The following PCDHA6 variants were observed in gnomAD, a reference collection of about 807,000 sequenced individuals.
PCDHA6 encodes the protein protocadherin alpha 6.
A neutral mutation model predicts 60.3 loss-of-function variants in PCDHA6; 55 were observed. That is an observed-to-expected ratio of 0.91 (90% CI 0.73 to 1.14). PCDHA6 has a LOEUF of 1.14. Among genes scored for constraint, PCDHA6 ranks in the 50% most tolerant of loss-of-function variants. The probability of loss-of-function intolerance (pLI) is 0.00; values close to 1 mark genes in which losing one functional copy is unlikely to be tolerated. For synonymous variants in PCDHA6, 652 were observed against 557.9 expected (o/e 1.17, Z -2.38); for missense variants, 1,327 against 1,256.5 (o/e 1.06, Z -0.85).
chr5:140,829,393 G>A lies in PCDHA6; in HGVS notation c.1302G>A (p.Ser434=). The change falls in exon 1 of 4, where the codon TCG becomes TCA. Residue 434 remains serine (S), a synonymous_variant. Coordinates refer to ENST00000529310, the MANE Select transcript of PCDHA6 (RefSeq NM_018909.4). Reference sequence around the variant, plus strand: ...CCGCGCGGGACGGGGGCTCGCCTTCGCTGTGGGCCACCGCCAGCTTGTCTG... The same window carrying A: ...CCGCGCGGGACGGGGGCTCGCCTTCACTGTGGGCCACCGCCAGCTTGTCTG... ...VVTARDGGSP[S]LWATASLSVE... The A allele has an allele frequency of 6.2e-7, 1 of 1,614,050 alleles. No homozygotes were observed. Among genetic ancestry groups the A allele is most frequent in the African/African-American group, 1.3e-5 (1 of 75,024 alleles).
At chr5:140,869,359 G>A in intron 1 of PCDHA6, 1 of 1,614,110 alleles carries the variant, frequency 6.2e-7, no homozygotes, top group Non-Finnish European at 8.5e-7. Context: ...CATTTTGTTT[G>A]TGAATTCTCG....
At chr5:140,834,347 AG>A (rs2150215572) in intron 1 of PCDHA6, 2 of 1,523,758 alleles carry the variant, frequency 1.3e-6, no homozygotes, top group South Asian at 2.6e-5. Flanking sequence ...TTCGAAGGCA[AG>A]TTTTGCTGAC....
chr5:140,875,410 ATACC>A (rs1259407256), intron 1 of PCDHA6: 2 of 1,502,000 alleles, frequency 1.3e-6, no homozygotes, highest in Non-Finnish European at 1.8e-6. Context: ...TGCTCATAAA[ATACC>A]TCAGGCAAGC....
At chr5:140,883,466 A>G (rs782104317) in intron 1 of PCDHA6, 43 of 1,614,010 alleles carry the variant, frequency 2.7e-5, no homozygotes, top group Non-Finnish European at 3.5e-5. Context: ...GCTGGTGTCC[A>G]CCTACAAGAA....
chr5:140,828,585 A>G lies in PCDHA6; in HGVS notation c.494A>G (p.Asn165Ser). Residue 165 changes from asparagine to serine, a missense_variant, in exon 1 of 4, where the codon AAT becomes AGT. Physicochemically the swap from Asn to Ser is conservative, Grantham distance 46. Coordinates refer to ENST00000529310, the MANE Select transcript of PCDHA6 (RefSeq NM_018909.4). ...GCGTCCGATGCAGATGTTGGCTCAAATTCCATCTTAACCTATAAACTCAGT... is the reference window on the plus strand; with the variant it reads ...GCGTCCGATGCAGATGTTGGCTCAAGTTCCATCTTAACCTATAAACTCAGT... ...EGASDADVGSNSILTYKLSSS... is the reference protein window; with the variant it reads ...EGASDADVGSSSILTYKLSSS... 6.2e-7 allele frequency: 1 copy of G among 1,614,250 alleles called. No homozygotes were observed. The highest frequency in any genetic ancestry group is 1.1e-5 in the South Asian group (1 of 91,090).
intron 1 of PCDHA6, chr5:140,841,892 C>G: frequency 6.2e-7 from 1 of 1,613,788 alleles, no homozygotes; most frequent in South Asian, 1.1e-5. Flanking sequence ...TGAGAATAAA[C>G]TGGTTGAGCT....
chr5:141,009,491 C>G, intron 3 of PCDHA6, 136 bp from the exon 4 acceptor site: 1 of 1,475,722 alleles, frequency 6.8e-7, no homozygotes, highest in Non-Finnish European at 9.0e-7. Flanking sequence ...GCCTTGCCCT[C>G]AGACTTGAAC....
chr5:140,844,744 G>C (rs1779527366), intron 1 of PCDHA6, among the ~76,000 whole-genome samples: 1 of 149,016 alleles, frequency 6.7e-6, no homozygotes, highest in Non-Finnish European at 1.5e-5. Flanking sequence ...TAGTATTATG[G>C]GATAAATCTT....
chr5:140,987,012 G>A (rs2097222470), intron 3 of PCDHA6, among the ~76,000 whole-genome samples: 1 of 151,994 alleles, frequency 6.6e-6, no homozygotes. Context: ...TCATGAGTTC[G>A]AGACCAGCCT....
intron 1 of PCDHA6, among the ~76,000 whole-genome samples, chr5:140,977,204 A>G (rs1051271481): frequency 9.9e-5 from 15 of 152,170 alleles, no homozygotes; most frequent in Non-Finnish European, 1.6e-4. Context: ...AGTTGCAGCA[A>G]TTTTCATCAT....
Position 141,009,714 on chromosome 5 carries a change from A to G in PCDHA6, c.2630A>G (p.Lys877Arg), listed in dbSNP as rs1175529844. 1 of 1,613,966 alleles carries G rather than the reference A, an allele frequency of 6.2e-7. No homozygotes were observed. Among genetic ancestry groups the G allele is most frequent in the Non-Finnish European group, 8.5e-7 (1 of 1,180,012 alleles). Reference protein sequence around the residue: ...WTFKYGPGNPKQSGPGELPDK... With the variant: ...WTFKYGPGNPRQSGPGELPDK... ...TTTAAATACGGACCAGGCAACCCCA[A>G]ACAATCCGGTCCCGGTGAGTTGCCC... The change falls in exon 4 of 4, where the codon AAA becomes AGA. Residue 877 changes from lysine to arginine, a missense_variant. By Grantham distance (26) the Lys-to-Arg change is conservative. Transcript: ENST00000529310.
intron 1 of PCDHA6, among the ~76,000 whole-genome samples, chr5:140,894,199 GC>G (rs2064359112): frequency 6.6e-6 from 1 of 151,732 alleles, no homozygotes; most frequent in Admixed American, 6.6e-5. Context: ...TTTTTTCTAT[GC>G]TATTATATTC....
intron 1 of PCDHA6, among the ~76,000 whole-genome samples, chr5:140,925,899 G>A (rs149135478): frequency 2.0e-5 from 3 of 151,846 alleles, no homozygotes; most frequent in African/African-American, 7.3e-5. Context: ...CACCCAGATC[G>A]TCAAGGGCCG....
intron 1 of PCDHA6, chr5:140,966,789 C>G (rs782194817): frequency 6.5e-7 from 1 of 1,528,572 alleles, no homozygotes; most frequent in East Asian, 2.4e-5. Context: ...GGCACCAGAC[C>G]TGCGGCGACA....
chr5:140,947,038 A>G (rs2094072618), intron 1 of PCDHA6, among the ~76,000 whole-genome samples: 1 of 151,776 alleles, frequency 6.6e-6, no homozygotes, highest in Admixed American at 6.6e-5. Context: ...TATACTAATT[A>G]CCCTGATTTG....
At position 140,840,851 on chromosome 5, in the gene PCDHA6, A is replaced by G. The variant is rs2150309706; in HGVS notation, c.2394+10366A>G. On this transcript the variant is annotated intron_variant, in intron 1 of 3. Coordinates refer to ENST00000529310, the MANE Select transcript of PCDHA6 (RefSeq NM_018909.4). ...AAATAAATATTAATGCATTTCTTCC[A>G]CACGAAACTATGGAGGACAGTTTAC... is the stretch of plus-strand genomic sequence containing the variant. Among the ~76,000 whole-genome samples the G allele has an allele frequency of 2.2e-4, 34 of 152,166 alleles. 1 individual carries two copies. The highest frequency in any genetic ancestry group is 1.5e-5 in the Non-Finnish European group (1 of 68,006).
chr5:140,979,241 G>A (rs766062040), intron 2 of PCDHA6, among the ~76,000 whole-genome samples: 4 of 152,150 alleles, frequency 2.6e-5, no homozygotes, highest in Non-Finnish European at 5.9e-5. Context: ...CACAGAAACA[G>A]GCTGCTATGT....
chr5:140,860,977 T>A (rs1314844613), intron 1 of PCDHA6: 1 of 152,212 alleles, frequency 6.6e-6, no homozygotes, highest in African/African-American at 2.4e-5. Flanking sequence ...GACCTCGTGA[T>A]CCACCGGCCT....
chr5:140,849,258 G>A lies in PCDHA6; in HGVS notation c.2394+18773G>A, dbSNP rs2150433835. 190 of 1,110,896 alleles carry A rather than the reference G, an allele frequency of 1.7e-4. 6 individuals carry two copies. Among genetic ancestry groups the A allele is most frequent in the Admixed American group, 3.3e-4 (12 of 36,734 alleles). 68.8% of individuals were successfully genotyped at this position (1,110,896 alleles called of 1,614,324 possible). A position where few individuals can be genotyped will look rare whatever the true frequency, so the allele number is the denominator to read the frequency against. Reference sequence around the variant, plus strand: ...GTATACGGTGAAATTACCAGAAAACGTTTCTATCGGAACGCTGGTGATTCA... The same window carrying A: ...GTATACGGTGAAATTACCAGAAAACATTTCTATCGGAACGCTGGTGATTCA... On this transcript the variant is annotated intron_variant, in intron 1 of 3. Transcript: ENST00000529310.
Sources: gnomAD v4.1 joint callset for allele counts (sites outside exome capture counted in the v4.1 genomes callset) on GRCh38, gnomAD v4.1.1 for gene constraint, MANE v1.5 for transcripts, NCBI Gene and HGNC (gene_info 2026-07-23, HGNC 2026-07-21) for gene names.